PTCSC3: variants seen among roughly 807,000 people sequenced by gnomAD.
The protein encoded by PTCSC3 is papillary thyroid carcinoma susceptibility candidate 3 (non-protein coding).
At chr14:36,165,783 A>G (rs925861094) in intron 1 of PTCSC3, among the ~76,000 whole-genome samples, 50 of 147,988 alleles carry the variant, frequency 3.4e-4, no homozygotes, top group African/African-American at 1.2e-3. Flanking sequence ...TCAGGACGAT[A>G]ATGAAACTAA....
intron 2 of PTCSC3, among the ~76,000 whole-genome samples, chr14:36,157,793 A>C (rs1299051460): frequency 6.6e-6 from 1 of 152,174 alleles, no homozygotes. Context: ...AATTCTGTGA[A>C]GAATGTAATG....
chr14:36,155,177 A>C (rs1197226870), intron 2 of PTCSC3, among the ~76,000 whole-genome samples: 1 of 152,226 alleles, frequency 6.6e-6, no homozygotes, highest in Non-Finnish European at 1.5e-5. Context: ...TCTAACATTC[A>C]AAAACCAAAG....
chr14:36,159,645 G>A (rs1250213855), intron 2 of PTCSC3, among the ~76,000 whole-genome samples: 4 of 152,150 alleles, frequency 2.6e-5, no homozygotes, highest in Non-Finnish European at 4.4e-5. Context: ...CATTTGCTGA[G>A]GAGTGTTTTA....
chr14:36,149,619 G>A (rs1442488481), intron 3 of PTCSC3, among the ~76,000 whole-genome samples: 1 of 152,108 alleles, frequency 6.6e-6, no homozygotes, highest in Admixed American at 6.5e-5. Flanking sequence ...TTATACTTCT[G>A]TAAGTTTTGC....
intron 3 of PTCSC3, among the ~76,000 whole-genome samples, chr14:36,138,916 C>T (rs1050986975): frequency 3.3e-5 from 5 of 151,996 alleles, no homozygotes; most frequent in African/African-American, 1.2e-4. Flanking sequence ...AGTTCAAAAC[C>T]ATCCTGGCTA....
chr14:36,135,877 G>A (rs1189451686), downstream of PTCSC3, among the ~76,000 whole-genome samples: 5 of 150,190 alleles, frequency 3.3e-5, no homozygotes, highest in African/African-American at 7.4e-5. Context: ...ATATATATAT[G>A]TGTGTGTGTG....
At chr14:36,169,602 A>G (rs1038541115) in intron 1 of PTCSC3, among the ~76,000 whole-genome samples, 1 of 152,136 alleles carries the variant, frequency 6.6e-6, no homozygotes, top group Non-Finnish European at 1.5e-5. Context: ...AGGGCCAGTT[A>G]ATTTATGTGT....
intron 2 of PTCSC3, among the ~76,000 whole-genome samples, chr14:36,154,310 T>C (rs1002285992): frequency 3.3e-5 from 5 of 152,156 alleles, no homozygotes; most frequent in African/African-American, 1.2e-4. Context: ...TGTTAACTTA[T>C]GTACATTATT....
At chr14:36,165,493 T>C (rs1882068110) in intron 1 of PTCSC3, among the ~76,000 whole-genome samples, 1 of 151,730 alleles carries the variant, frequency 6.6e-6, no homozygotes, top group Admixed American at 6.6e-5. Flanking sequence ...ACCCCCAGCA[T>C]AATGACAACA....
chr14:36,169,834 C>G (rs577422796), intron 1 of PTCSC3, among the ~76,000 whole-genome samples: 2 of 152,238 alleles, frequency 1.3e-5, no homozygotes, highest in East Asian at 1.9e-4. Flanking sequence ...GGTCCAGGCA[C>G]TATGCAAGGG....
At chr14:36,166,371 T>C (rs549141271) in intron 1 of PTCSC3, among the ~76,000 whole-genome samples, 8 of 152,346 alleles carry the variant, frequency 5.3e-5, no homozygotes, top group East Asian at 1.9e-4. Flanking sequence ...CTCAACTACG[T>C]CTGAATTTTT....
At chr14:36,149,553 A>G (rs1415784462) in intron 3 of PTCSC3, among the ~76,000 whole-genome samples, 2 of 152,138 alleles carry the variant, frequency 1.3e-5, no homozygotes, top group East Asian at 3.9e-4. Flanking sequence ...TGCTTGCTGG[A>G]TCTGTGCATT....
intron 3 of PTCSC3, among the ~76,000 whole-genome samples, chr14:36,145,849 C>G (rs902450205): frequency 6.7e-6 from 1 of 148,960 alleles, no homozygotes; most frequent in Non-Finnish European, 1.5e-5. Flanking sequence ...CCCAGAGATT[C>G]TGGTATGTTG....
intron 3 of PTCSC3, among the ~76,000 whole-genome samples, chr14:36,149,088 G>T (rs1191175472): frequency 6.6e-6 from 1 of 151,780 alleles, no homozygotes; most frequent in Non-Finnish European, 1.5e-5. Flanking sequence ...GTAGGCTTAG[G>T]TTACTGATTT....
chr14:36,171,634 T>G lies in PTCSC3; in HGVS notation n.171+4664A>C, dbSNP rs140930113. On this transcript the variant is annotated intron_variant and non_coding_transcript_variant, in intron 1 of 3. Transcript: ENST00000556013. The stretch of plus-strand genomic sequence containing the variant: ...GCTTTCATGTGTGAAATGTGTACAG[T>G]ATTTGTAAATTTAACAAGATAGGGA... 3.5e-3 allele frequency among the ~76,000 whole-genome samples: 529 copies of G among 152,274 alleles called. 3 individuals carry two copies. Among genetic ancestry groups the G allele is most frequent in the Middle Eastern group, 0.017 (5 of 294 alleles).
chr14:36,159,803 A>G (rs1881914168), intron 2 of PTCSC3, among the ~76,000 whole-genome samples: 1 of 151,766 alleles, frequency 6.6e-6, no homozygotes, highest in Admixed American at 6.6e-5. Context: ...ATCCTTGTTA[A>G]TATTCCTGTC....
At chr14:36,159,148 T>TTAGTCTGG (rs1164922069) in intron 2 of PTCSC3, among the ~76,000 whole-genome samples, 1 of 152,058 alleles carries the variant, frequency 6.6e-6, no homozygotes, top group Non-Finnish European at 1.5e-5. Context: ...CTCTCTTTTA[T>TTAGTCTGG]TAGTCTGGCT....
At chr14:36,142,381 C>T (rs1298193744) in intron 3 of PTCSC3, among the ~76,000 whole-genome samples, 1 of 151,970 alleles carries the variant, frequency 6.6e-6, no homozygotes, top group African/African-American at 2.4e-5. Context: ...GATTGATTTC[C>T]TCGTATTTTG....
At chr14:36,159,123 ATC>A (rs1229222069) in intron 2 of PTCSC3, among the ~76,000 whole-genome samples, 1 of 147,514 alleles carries the variant, frequency 6.8e-6, no homozygotes, top group Non-Finnish European at 1.5e-5. Context: ...TTTTTATTGC[ATC>A]TATTTGATTC....
Sources: gnomAD v4.1 joint callset for allele counts (sites outside exome capture counted in the v4.1 genomes callset) on GRCh38, gnomAD v4.1.1 for gene constraint, MANE v1.5 for transcripts, NCBI Gene and HGNC (gene_info 2026-07-23, HGNC 2026-07-21) for gene names.